Variants in LRMDA observed in about 807,000 individuals in gnomAD.
LRMDA encodes the protein leucine rich melanocyte differentiation associated, also known as leucine-rich melanocyte differentiation-associated protein.
In LRMDA, 18 loss-of-function variants were observed where a neutral mutation model predicts 29.8. The observed-to-expected ratio is 0.60, with a 90% CI of 0.42 to 0.90. The LOEUF is 0.90. Among genes scored for constraint, LRMDA ranks in the 40% least tolerant of loss-of-function variants. The probability of loss-of-function intolerance (pLI) is 0.00; values close to 1 mark genes in which losing one functional copy is unlikely to be tolerated. For synonymous variants in LRMDA, 125 were observed against 109.4 expected, an observed-to-expected ratio of 1.14 and a Z score of -0.89; for missense variants, 273 against 273.9, an observed-to-expected ratio of 1.00 and a Z score of 0.02.
chr10:76,106,138 G>GA (rs1849480851), intron 5 of LRMDA, among the ~76,000 whole-genome samples: 1 of 152,196 alleles, frequency 6.6e-6, no homozygotes, highest in African/African-American at 2.4e-5. Context: ...AGCATGTGCC[G>GA]AATGAGTCCA....
chr10:75,757,953 C>T lies in LRMDA; in HGVS notation c.132-278055C>T, dbSNP rs544005145. Among the ~76,000 whole-genome samples, 18 of 152,208 alleles carry T rather than the reference C, an allele frequency of 1.2e-4. No homozygotes were observed. In the South Asian group the frequency reaches 1.7e-3, roughly 14 times the overall value. ...TAGTTGGAATTACAGACATATGTCA[C>T]GATGCCTGGCTAATTTTCGTATTTT... On this transcript the variant is annotated intron_variant, in intron 2 of 6. Transcript: ENST00000611255.
chr10:76,102,650 G>GT (rs1849412100), intron 5 of LRMDA, among the ~76,000 whole-genome samples: 1 of 151,822 alleles, frequency 6.6e-6, no homozygotes, highest in Non-Finnish European at 1.5e-5. Context: ...CATGTCTTTT[G>GT]TTTTTTTGTT....
chr10:76,203,999 C>T lies in LRMDA; in HGVS notation c.517-120402C>T, dbSNP rs116530235. 7.4e-3 allele frequency among the ~76,000 whole-genome samples: 1,073 copies of T among 144,070 alleles called. 17 individuals are homozygous for T. The highest frequency in any genetic ancestry group is 0.026 in the African/African-American group (994 of 38,358). The allele number at this position is 144,070 out of a possible 152,430, so 94.5% of individuals were successfully genotyped here. A position where few individuals can be genotyped will look rare whatever the true frequency, so the allele number is the denominator to read the frequency against. Reference sequence around the variant, plus strand: ...CCCACCCATCTCTATTCCATGTGCCCATCCACCCATCTCTATTTCATGTGC... The same window carrying T: ...CCCACCCATCTCTATTCCATGTGCCTATCCACCCATCTCTATTTCATGTGC... On this transcript the variant is annotated intron_variant, in intron 5 of 6. Transcript: ENST00000611255.
chr10:76,143,176 G>A (rs879672015), intron 5 of LRMDA, among the ~76,000 whole-genome samples: 8 of 152,176 alleles, frequency 5.3e-5, no homozygotes, highest in African/African-American at 1.4e-4. Context: ...CTTTATAGCA[G>A]CATGATTTAT....
rs1185729532 is a variant in LRMDA at position 76,212,531 on chromosome 10, T to C, written c.517-111870T>C. Among the ~76,000 whole-genome samples, 3 of 152,184 alleles carry C rather than the reference T, an allele frequency of 2.0e-5. No homozygotes were observed. In the East Asian group the frequency reaches 5.8e-4, roughly 29 times the overall value. ...TCACACCCCAATAAAAGTATGAATA[T>C]TACCAATCAGCCCTCTTGCAAACAA... On this transcript the variant is annotated intron_variant, in intron 5 of 6. Coordinates refer to ENST00000611255, the MANE Select transcript of LRMDA (RefSeq NM_001305581.2).
intron 2 of LRMDA, among the ~76,000 whole-genome samples, chr10:75,563,461 T>C (rs1840327012): frequency 6.6e-6 from 1 of 152,246 alleles, no homozygotes; most frequent in South Asian, 2.1e-4. Context: ...TTAACTTCTT[T>C]GCCTTTGGTT....
intron 2 of LRMDA, among the ~76,000 whole-genome samples, chr10:76,007,266 G>T (rs894322600): frequency 2.7e-5 from 4 of 150,754 alleles, no homozygotes; most frequent in African/African-American, 9.8e-5. Context: ...GCCCCTCTCT[G>T]CCCACCCTCC....
At chr10:76,134,051 A>G (rs1236643374) in intron 5 of LRMDA, among the ~76,000 whole-genome samples, 1 of 152,176 alleles carries the variant, frequency 6.6e-6, no homozygotes, top group African/African-American at 2.4e-5. Context: ...AGAGAACTGC[A>G]TGCTGTTTTA....
At chr10:75,689,168 C>T (rs1310276531) in intron 2 of LRMDA, among the ~76,000 whole-genome samples, 1 of 152,162 alleles carries the variant, frequency 6.6e-6, no homozygotes, top group Non-Finnish European at 1.5e-5. Context: ...TTTTTCTCTT[C>T]AGAAGCTCAG....
At chr10:75,637,557 G>C (rs1841403555) in intron 2 of LRMDA, among the ~76,000 whole-genome samples, 2 of 152,200 alleles carry the variant, frequency 1.3e-5, no homozygotes, top group Admixed American at 6.5e-5. Flanking sequence ...GTAGCATGTA[G>C]TGTGTAGCTG....
chr10:76,413,830 A>G (rs901043750), intron 6 of LRMDA, among the ~76,000 whole-genome samples: 4 of 152,222 alleles, frequency 2.6e-5, no homozygotes, highest in Non-Finnish European at 4.4e-5. Context: ...GAACTAATGA[A>G]TGAATGTTAC....
At chr10:75,471,549 G>A (rs1281019284) in intron 2 of LRMDA, among the ~76,000 whole-genome samples, 2 of 152,154 alleles carry the variant, frequency 1.3e-5, no homozygotes, top group Non-Finnish European at 2.9e-5. Flanking sequence ...TGTCTGTTCC[G>A]AGCCTGTGCT....
intron 5 of LRMDA, among the ~76,000 whole-genome samples, chr10:76,097,725 A>G (rs1018668540): frequency 2.6e-5 from 4 of 152,112 alleles, no homozygotes; most frequent in African/African-American, 7.2e-5. Context: ...TCATTGATTG[A>G]TTTTTGAATA....
At chr10:76,121,452 T>C (rs879751137) in intron 5 of LRMDA, among the ~76,000 whole-genome samples, 2 of 152,110 alleles carry the variant, frequency 1.3e-5, no homozygotes, top group Non-Finnish European at 2.9e-5. Context: ...AAACAGTCAA[T>C]CCACAATTGT....
At chr10:76,106,181 T>C (rs1348245772) in intron 5 of LRMDA, among the ~76,000 whole-genome samples, 1 of 152,250 alleles carries the variant, frequency 6.6e-6, no homozygotes, top group Non-Finnish European at 1.5e-5. Context: ...ATGACCTCCA[T>C]TTGAAATAAT....
At chr10:75,878,294 T>C (rs1460463256) in intron 2 of LRMDA, among the ~76,000 whole-genome samples, 5 of 146,662 alleles carry the variant, frequency 3.4e-5, no homozygotes, top group African/African-American at 1.3e-4. Flanking sequence ...GTGGTAGAAG[T>C]AGCTCTCGGT....
intron 2 of LRMDA, among the ~76,000 whole-genome samples, chr10:75,465,619 G>A (rs1223292023): frequency 6.6e-6 from 1 of 152,194 alleles, no homozygotes; most frequent in Admixed American, 6.5e-5. Context: ...AAATTTAGGC[G>A]AATGCAGCGC....
chr10:75,782,702 C>T, intron 2 of LRMDA: 1 of 1,253,556 alleles, frequency 8.0e-7, no homozygotes, highest in Non-Finnish European at 1.0e-6. Context: ...CAACATAAAG[C>T]CAGGCACTTG....
chr10:75,822,751 G>T (rs1844183734), intron 2 of LRMDA, among the ~76,000 whole-genome samples: 1 of 152,002 alleles, frequency 6.6e-6, no homozygotes, highest in African/African-American at 2.4e-5. Flanking sequence ...TCAGAGACAG[G>T]GTCTTACTCT....
Sources: allele counts gnomAD v4.1 joint callset (sites outside exome capture counted in the v4.1 genomes callset), GRCh38; gene constraint gnomAD v4.1.1; transcripts MANE v1.5; gene names NCBI Gene and HGNC (gene_info 2026-07-23, HGNC 2026-07-21).